Variants in NOD1 observed in about 807,000 individuals in gnomAD.
NOD1 encodes the protein nucleotide binding oligomerization domain containing 1.
NOD1 carries 70 observed loss-of-function variants against 81.2 expected under a neutral mutation model. That is an observed-to-expected ratio of 0.86 (90% confidence interval 0.71 to 1.05). NOD1 has a LOEUF of 1.05. NOD1 is among the 50% of genes least tolerant of loss of function. The probability of loss-of-function intolerance (pLI) is 0.00; values close to 1 mark genes in which losing one functional copy is unlikely to be tolerated. For synonymous variants in NOD1, 508 were observed against 526.9 expected, an observed-to-expected ratio of 0.96 and a Z score of 0.49; for missense variants, 1,233 against 1,228.0, an observed-to-expected ratio of 1.00 and a Z score of -0.06.
Position 30,446,850 on chromosome 7 carries a change from C to G in NOD1, c.2369+117G>C. On this transcript the variant is annotated intron_variant, in intron 8 of 13. Coordinates refer to ENST00000222823, the MANE Select transcript of NOD1 (RefSeq NM_006092.4). ...GTATCTTTACTTGACCAACATGGCC[C>G]TGGGACAAGTGGAAGGCTTTAGGAT... 3.6e-6 allele frequency: 3 copies of G among 825,288 alleles called. No individual in the cohort carries two copies. The South Asian group carries it at 5.3e-5, about 15-fold the overall frequency. 51.1% of individuals were successfully genotyped at this position (825,288 alleles called of 1,614,324 possible).
chr7:30,452,656 A>C lies in NOD1; in HGVS notation c.761T>G (p.Leu254Arg), dbSNP rs765707525. Reference protein sequence around the residue: ...ESDRLCLQDLLFKHYCYPERD... With the variant: ...ESDRLCLQDLRFKHYCYPERD... ...CTCTGGGTAGCAGTAGTGCTTGAAG[A>C]GCAGGTCCTGCAGACACAGCCTGTC... is the stretch of plus-strand genomic sequence containing the variant. Residue 254 changes from leucine to arginine, a missense_variant, in exon 6 of 14, where the codon CTC becomes CGC. Coordinates refer to ENST00000222823, the MANE Select transcript of NOD1 (RefSeq NM_006092.4). The C allele has an allele frequency of 1.4e-5, 23 of 1,613,846 alleles. No homozygotes were observed. The highest frequency in any genetic ancestry group is 1.9e-5 in the Non-Finnish European group (22 of 1,180,030).
chr7:30,433,664 G>A (rs1784141960), intron 11 of NOD1, among the ~76,000 whole-genome samples: 1 of 152,200 alleles, frequency 6.6e-6, no homozygotes, highest in African/African-American at 2.4e-5. Context: ...TTAAGTGACT[G>A]AAAGTTCAGG....
chr7:30,464,651 A>G (rs1372072959), intron 1 of NOD1, among the ~76,000 whole-genome samples: 1 of 152,200 alleles, frequency 6.6e-6, no homozygotes, highest in East Asian at 1.9e-4. Context: ...TAAATGGACC[A>G]TGTTTGCTGG....
intron 1 of NOD1, among the ~76,000 whole-genome samples, chr7:30,462,426 GTTTT>G (rs530513096): frequency 1.3e-4 from 18 of 136,354 alleles, no homozygotes; most frequent in Non-Finnish European, 2.4e-4. Context: ...GTTCTGATGG[GTTTT>G]TTTTTTTTTT....
intron 13 of NOD1, among the ~76,000 whole-genome samples, chr7:30,426,313 ACT>A (rs1164483159): frequency 1.3e-5 from 2 of 151,546 alleles, no homozygotes; most frequent in African/African-American, 2.4e-5. Flanking sequence ...TGAATGGACC[ACT>A]CTCATCCTGC....
At chr7:30,445,473 T>C (rs947009381) in intron 9 of NOD1, among the ~76,000 whole-genome samples, 2 of 151,492 alleles carry the variant, frequency 1.3e-5, no homozygotes, top group African/African-American at 4.9e-5. Flanking sequence ...AAGAAGGAAA[T>C]CCTGGCGGGG....
intron 13 of NOD1, 38 bp from the exon 14 acceptor site, chr7:30,425,748 A>G (rs1783390833): frequency 2.8e-6 from 4 of 1,429,504 alleles, no homozygotes; most frequent in East Asian, 2.3e-5. Context: ...CACAGGTAAA[A>G]TGTTAAGGAT....
intron 6 of NOD1, among the ~76,000 whole-genome samples, chr7:30,448,623 C>T (rs533040940): frequency 2.6e-5 from 4 of 152,304 alleles, no homozygotes; most frequent in East Asian, 1.9e-4. Context: ...GCTCCTCACA[C>T]GACCGTGAAG....
rs1002440408 is a variant in NOD1 at position 30,452,041 on chromosome 7, G to C, written c.1376C>G (p.Thr459Ser). The change falls in exon 6 of 14, where the codon ACT becomes AGT. Residue 459 changes from threonine (T) to serine (S), a missense_variant. Thr to Ser is a moderately conservative substitution (Grantham distance 58). Transcript: ENST00000222823. ...PVETLHAGRD[T>S]LCSLGQVAHR... ...GGCCACCTGCCCCAGCGAGCACAGA[G>C]TGTCCCGGCCGGCGTGGAGGGTCTC... 1 of 1,613,558 alleles carries C rather than the reference G, an allele frequency of 6.2e-7. No homozygotes were observed. The highest frequency in any genetic ancestry group is 8.5e-7 in the Non-Finnish European group (1 of 1,179,982).
Position 30,456,377 on chromosome 7 carries a change from C to T in NOD1, c.201+344G>A, listed in dbSNP as rs2970501. Among the ~76,000 whole-genome samples, 1,336 of 152,322 alleles carry T rather than the reference C, an allele frequency of 8.8e-3. 22 individuals carry two copies. The highest frequency in any genetic ancestry group is 0.031 in the African/African-American group (1,281 of 41,574). On this transcript the variant is annotated intron_variant, in intron 4 of 13. Transcript: ENST00000222823. ...TCTCACCCAGCAACAAGCAGCCCTC[C>T]AGCCTTCAGAGGCACTGAATGAACA...
chr7:30,427,561 C>T (rs779648080), intron 13 of NOD1, among the ~76,000 whole-genome samples: 1 of 152,200 alleles, frequency 6.6e-6, no homozygotes, highest in Non-Finnish European at 1.5e-5. Flanking sequence ...GCTCTGGAGG[C>T]TCCCAGAACA....
chr7:30,462,434 T>C (rs1267130331), intron 1 of NOD1, among the ~76,000 whole-genome samples: 2 of 152,024 alleles, frequency 1.3e-5, no homozygotes, highest in African/African-American at 4.8e-5. Flanking sequence ...GGGTTTTTTT[T>C]TTTTTTTTGC....
intron 1 of NOD1, 29 bp from the exon 2 acceptor site, chr7:30,460,070 C>T: frequency 5.3e-6 from 1 of 187,458 alleles, no homozygotes; most frequent in Non-Finnish European, 1.0e-5. Context: ...TATATGACAG[C>T]CATCTGGCAA....
chr7:30,468,293 C>T (rs1328859565), intron 1 of NOD1, among the ~76,000 whole-genome samples: 1 of 152,152 alleles, frequency 6.6e-6, no homozygotes, highest in Non-Finnish European at 1.5e-5. Context: ...AGCAGCTCAA[C>T]TGCCTTCTGG....
intron 10 of NOD1, among the ~76,000 whole-genome samples, chr7:30,436,838 C>G (rs982753073): frequency 2.6e-5 from 4 of 152,084 alleles, no homozygotes; most frequent in Admixed American, 6.6e-5. Flanking sequence ...GATCTAGAAC[C>G]AGAAATACCA....
At chr7:30,476,505 G>A (rs1788796540) in intron 1 of NOD1, among the ~76,000 whole-genome samples, 1 of 152,214 alleles carries the variant, frequency 6.6e-6, no homozygotes, top group Non-Finnish European at 1.5e-5. Context: ...TAGGCCAAGA[G>A]TCAGGAGCAA....
intron 1 of NOD1, among the ~76,000 whole-genome samples, chr7:30,473,072 C>T (rs1788427954): frequency 1.3e-5 from 2 of 152,194 alleles, no homozygotes; most frequent in African/African-American, 4.8e-5. Flanking sequence ...GCCTTCCACA[C>T]CAGGGTAGGG....
intron 11 of NOD1, 118 bp downstream of exon 11, chr7:30,435,880 C>A (rs1784337450): frequency 2.5e-6 from 2 of 793,464 alleles, no homozygotes; most frequent in Non-Finnish European, 4.2e-6. Flanking sequence ...TTCGAATGAG[C>A]CTGGGAGGTG....
rs1583798237 is a variant in NOD1 at position 30,456,711 on chromosome 7, C to G, written c.201+10G>C. 6.2e-7 allele frequency: 1 copy of G among 1,613,246 alleles called. No homozygotes were observed. The highest frequency in any genetic ancestry group is 1.1e-5 in the South Asian group (1 of 91,030). On this transcript the variant is annotated intron_variant, in intron 4 of 13. Coordinates refer to ENST00000222823, the MANE Select transcript of NOD1 (RefSeq NM_006092.4). ...ACACAATGCCATGCCCGTCCCTGTC[C>G]CCGGGGCACCTTGTCAGGCTGGGTG...
Sources: gnomAD v4.1 joint callset for allele counts (sites outside exome capture counted in the v4.1 genomes callset) on GRCh38, gnomAD v4.1.1 for gene constraint, MANE v1.5 for transcripts, NCBI Gene and HGNC (gene_info 2026-07-23, HGNC 2026-07-21) for gene names.